The following EXOC2 variants were observed in gnomAD, a reference collection of about 807,000 sequenced individuals.
EXOC2 encodes SEC5-like 1.
EXOC2 carries 70 observed loss-of-function variants against 131.8 expected under a neutral mutation model. That is an observed-to-expected ratio of 0.53 (90% confidence interval 0.44 to 0.65). EXOC2 has a LOEUF of 0.65. Ranked by LOEUF, EXOC2 falls within the 30% of genes least tolerant of loss-of-function variation. EXOC2 has a pLI of 0.00. For synonymous variants in EXOC2, 411 were observed against 398.4 expected, an observed-to-expected ratio of 1.03 and a Z score of -0.38; for missense variants, 923 against 1,108.6, an observed-to-expected ratio of 0.83 and a Z score of 2.38.
At chr6:520,920 C>A (rs1488802151) in intron 23 of EXOC2, among the ~76,000 whole-genome samples, 497 of 122,554 alleles carry the variant, frequency 4.1e-3, no homozygotes, top group Middle Eastern at 0.019. Context: ...ACATGAAAAT[C>A]ACCACCCACC....
In EXOC2 at chr6:532,486, T is replaced by A. The variant is rs201407807; in HGVS notation, c.2363A>T (p.Asp788Val). 2.1e-5 allele frequency: 33 copies of A among 1,599,904 alleles called. No individual in the cohort carries two copies. In the African/African-American group the frequency reaches 4.3e-4, roughly 21 times the overall value. The change falls in exon 23 of 28, where the codon GAC becomes GTC. Residue 788 changes from aspartate (D) to valine (V), a missense_variant. By Grantham distance (152) the Asp-to-Val change is radical. Coordinates refer to ENST00000230449, the MANE Select transcript of EXOC2 (RefSeq NM_018303.6). ...GIYAGYFDWK[D>V]CLPPTGVRNY... ...TTACTTACCTGTTGGAGGCAGGCAG[T>A]CCTTCCAATCAAAATATCCTGCATA... is the stretch of plus-strand genomic sequence containing the variant.
At chr6:663,567 C>T (rs1763509979) in intron 1 of EXOC2, among the ~76,000 whole-genome samples, 1 of 152,186 alleles carries the variant, frequency 6.6e-6, no homozygotes. Context: ...AATCCAGCGA[C>T]ATATCAAAAA....
intron 1 of EXOC2, among the ~76,000 whole-genome samples, chr6:673,235 A>C (rs1284614543): frequency 7.4e-6 from 1 of 135,802 alleles, no homozygotes; most frequent in Non-Finnish European, 1.5e-5. Context: ...TGGGTGACAA[A>C]AGTGAGACTC....
chr6:550,389 CAA>C (rs1265962125), intron 21 of EXOC2, among the ~76,000 whole-genome samples: 1 of 152,146 alleles, frequency 6.6e-6, no homozygotes, highest in Non-Finnish European at 1.5e-5. Flanking sequence ...CAGCAGTTTC[CAA>C]AAACTTTCTA....
chr6:619,663 A>G, intron 4 of EXOC2, 120 bp from the exon 5 acceptor site: 11 of 594,768 alleles, frequency 1.8e-5, no homozygotes, highest in Non-Finnish European at 3.3e-5. Context: ...ATACATATTA[A>G]TCATACATTA....
chr6:490,998 A>G, intron 26 of EXOC2, 127 bp downstream of exon 26: 2 of 998,486 alleles, frequency 2.0e-6, no homozygotes, highest in Non-Finnish European at 3.1e-6. Flanking sequence ...GCCTTGACAT[A>G]AACTTTATCA....
At position 599,075 on chromosome 6, in the gene EXOC2, T is replaced by A; in HGVS notation, c.888+5A>T. On this transcript the variant is annotated splice_donor_5th_base_variant and intron_variant, in intron 8 of 27. Transcript: ENST00000230449. ...CATATGTAAATAAATAAACATGTAC[T>A]CTACCTTTTGAATATTCCTTTCAAT... 6.2e-7 allele frequency: 1 copy of A among 1,607,656 alleles called. No homozygotes were observed. Among genetic ancestry groups the A allele is most frequent in the Non-Finnish European group, 8.5e-7 (1 of 1,176,386 alleles).
intron 18 of EXOC2, 142 bp from the exon 19 acceptor site, chr6:556,155 G>GT: frequency 1.4e-6 from 1 of 739,334 alleles, no homozygotes; most frequent in Non-Finnish European, 2.3e-6. Flanking sequence ...TGCGAAGAGT[G>GT]GGCCTACTGG....
intron 12 of EXOC2, among the ~76,000 whole-genome samples, chr6:574,431 G>A (rs748830421): frequency 6.6e-5 from 10 of 152,212 alleles, no homozygotes; most frequent in Middle Eastern, 3.4e-3. Context: ...TGCCAACCTC[G>A]TATCTCATTG....
At chr6:538,315 C>T (rs975350272) in intron 22 of EXOC2, among the ~76,000 whole-genome samples, 3 of 152,206 alleles carry the variant, frequency 2.0e-5, no homozygotes, top group Non-Finnish European at 4.4e-5. Context: ...CTCATTTTCA[C>T]TAACACCCTG....
At position 485,483 on chromosome 6, in the gene EXOC2, A is replaced by T. The variant is rs929797231; in HGVS notation, c.*1188T>A. ...TTTTAGCATTTAAAAAAAGAGATTT[A>T]AAAATAACCATAGAAAAACTTGAAA... is the stretch of plus-strand genomic sequence containing the variant. On this transcript the variant is annotated 3_prime_UTR_variant, in exon 28 of 28. Transcript: ENST00000230449. 4 of 152,198 alleles carry T rather than the reference A, an allele frequency of 2.6e-5. No homozygotes were observed. Among genetic ancestry groups the T allele is most frequent in the Admixed American group, 6.5e-5 (1 of 15,288 alleles). 9.4% of individuals were successfully genotyped at this position (152,198 alleles called of 1,614,324 possible). A position where few individuals can be genotyped will look rare whatever the true frequency, so the allele number is the denominator to read the frequency against.
At chr6:623,580 C>A (rs371036468) in intron 4 of EXOC2, among the ~76,000 whole-genome samples, 16 of 152,234 alleles carry the variant, frequency 1.1e-4, no homozygotes, top group East Asian at 9.6e-4. Flanking sequence ...CTAACCTTGC[C>A]CGGACACACA....
chr6:642,266 T>C (rs538603098), intron 1 of EXOC2, among the ~76,000 whole-genome samples: 1 of 152,376 alleles, frequency 6.6e-6, no homozygotes, highest in Admixed American at 6.5e-5. Context: ...CTGTGTTAAA[T>C]TTTAGATATT....
intron 23 of EXOC2, among the ~76,000 whole-genome samples, chr6:516,363 G>T (rs544412147): frequency 4.5e-4 from 69 of 152,190 alleles, no homozygotes; most frequent in Non-Finnish European, 9.6e-4. Flanking sequence ...TGCAGCGCTC[G>T]TTGTCAGCTT....
At chr6:576,986 G>T in intron 11 of EXOC2, 104 bp from the exon 12 acceptor site, 2 of 957,194 alleles carry the variant, frequency 2.1e-6, no homozygotes, top group Non-Finnish European at 3.1e-6. Context: ...TTGCTCAATT[G>T]CTCCACTCTT....
intron 21 of EXOC2, among the ~76,000 whole-genome samples, chr6:552,650 G>A (rs147906666): frequency 6.6e-6 from 1 of 152,046 alleles, no homozygotes; most frequent in African/African-American, 2.4e-5. Context: ...CCAGGTTCTC[G>A]TGAGCCTGTG....
intron 11 of EXOC2, among the ~76,000 whole-genome samples, chr6:591,239 T>G (rs564811157): frequency 1.3e-5 from 2 of 152,306 alleles, no homozygotes; most frequent in East Asian, 3.9e-4. Context: ...TTTTCAAAAG[T>G]AAGTCTGAGC....
Position 563,856 on chromosome 6 carries a change from A to G in EXOC2, c.1789+177T>C, listed in dbSNP as rs546011536. On this transcript the variant is annotated intron_variant, in intron 16 of 27. Coordinates refer to ENST00000230449, the MANE Select transcript of EXOC2 (RefSeq NM_018303.6). Reference sequence around the variant, plus strand: ...AGTTTCTGCATGGTCTTAATTCTCAACAATACATCACAAAAAGAAAAAACA... The same window carrying G: ...AGTTTCTGCATGGTCTTAATTCTCAGCAATACATCACAAAAAGAAAAAACA... 5.9e-5 allele frequency among the ~76,000 whole-genome samples: 9 copies of G among 152,294 alleles called. No individual in the cohort carries two copies. The South Asian group carries it at 1.9e-3, about 32-fold the overall frequency.
chr6:554,631 G>T (rs1757324442), intron 20 of EXOC2, among the ~76,000 whole-genome samples: 1 of 152,020 alleles, frequency 6.6e-6, no homozygotes, highest in African/African-American at 2.4e-5. Context: ...GTCAACTGAA[G>T]ATATAAGAGG....
Sources: gnomAD v4.1 joint callset for allele counts (sites outside exome capture counted in the v4.1 genomes callset) on GRCh38, gnomAD v4.1.1 for gene constraint, MANE v1.5 for transcripts, NCBI Gene and HGNC (gene_info 2026-07-23, HGNC 2026-07-21) for gene names.